The following PNLIPRP3 variants were observed in gnomAD, a reference collection of about 807,000 sequenced individuals.
The protein encoded by PNLIPRP3 is pancreatic lipase related protein 3.
In PNLIPRP3, 58 loss-of-function variants were observed where a neutral mutation model predicts 52.8. The ratio of observed to expected loss-of-function variants is 1.10; its 90% CI spans 0.89 to 1.37. The LOEUF (loss-of-function observed/expected upper bound fraction) is 1.37. PNLIPRP3 is among the 40% of genes most tolerant of loss of function. PNLIPRP3 has a pLI of 0.00. For missense variants in PNLIPRP3, 593 were observed against 561.6 expected (o/e 1.06, Z -0.57); for synonymous variants, 192 against 185.0 (o/e 1.04, Z -0.31).
intron 5 of PNLIPRP3, among the ~76,000 whole-genome samples, chr10:116,456,190 G>A (rs11197684): frequency 6.6e-6 from 1 of 152,250 alleles, no homozygotes; most frequent in East Asian, 1.9e-4. Flanking sequence ...GGCTGGGAAG[G>A]GAAGAAGAGA....
At chr10:116,431,437 C>T (rs1845708939) in intron 1 of PNLIPRP3, among the ~76,000 whole-genome samples, 1 of 151,448 alleles carries the variant, frequency 6.6e-6, no homozygotes, top group South Asian at 2.1e-4. Flanking sequence ...GGGCCAGATG[C>T]ATTACAAATG....
intron 10 of PNLIPRP3, among the ~76,000 whole-genome samples, chr10:116,473,674 A>G (rs929939943): frequency 1.3e-5 from 2 of 151,946 alleles, no homozygotes; most frequent in African/African-American, 4.8e-5. Flanking sequence ...GGTGCCCACC[A>G]CCATGCCTGG....
chr10:116,461,180 T>C lies in PNLIPRP3; in HGVS notation c.698T>C (p.Ile233Thr), dbSNP rs764855654. The C allele has an allele frequency of 8.1e-6, 13 of 1,614,120 alleles. No homozygotes were observed. Among genetic ancestry groups the C allele is most frequent in the South Asian group, 2.2e-5 (2 of 91,092 alleles). The change falls in exon 7 of 12, where the codon ATT becomes ACT. Residue 233 changes from isoleucine to threonine, a missense_variant. By Grantham distance (89) the Ile-to-Thr change is moderately conservative. Transcript: ENST00000369230. Reference protein sequence around the residue: ...RILFELGVGTIDACGHLDFYP... With the variant: ...RILFELGVGTTDACGHLDFYP... ...TTATTTATTTCAGGTGTTGGAACCATTGATGCTTGTGGTCATCTTGACTTT... is the reference window on the plus strand; with the variant it reads ...TTATTTATTTCAGGTGTTGGAACCACTGATGCTTGTGGTCATCTTGACTTT...
At chr10:116,447,041 C>A (rs959445212) in intron 4 of PNLIPRP3, among the ~76,000 whole-genome samples, 4 of 152,168 alleles carry the variant, frequency 2.6e-5, no homozygotes, top group African/African-American at 7.2e-5. Context: ...GTCATTCAAG[C>A]AGTCACTATA....
chr10:116,443,080 C>G lies in PNLIPRP3; in HGVS notation c.230C>G (p.Thr77Ser), dbSNP rs1421081392. The change falls in exon 3 of 12, where the codon ACT becomes AGT. Residue 77 changes from threonine to serine, a missense_variant. Transcript: ENST00000369230. ...YQEISAVNSS[T>S]IQASYFGTDK... is the part of the protein sequence containing the mutation. ...GAGATCAGTGCGGTTAATTCTTCAA[C>G]TATCCAAGCCTCATATTTTGGAACA... The G allele has an allele frequency of 6.2e-7, 1 of 1,600,474 alleles. No individual in the cohort carries two copies. Among genetic ancestry groups the G allele is most frequent in the Non-Finnish European group, 8.5e-7 (1 of 1,171,068 alleles).
chr10:116,444,330 C>A lies in PNLIPRP3; in HGVS notation c.325-52C>A, dbSNP rs1294763843. 3.4e-6 allele frequency: 5 copies of A among 1,458,442 alleles called. No homozygotes were observed. The Admixed American group carries it at 8.8e-5, about 26-fold the overall frequency. The allele number at this position is 1,458,442 out of a possible 1,614,324, so 90.3% of individuals were successfully genotyped here. A position where few individuals can be genotyped will look rare whatever the true frequency, so the allele number is the denominator to read the frequency against. ...TATGGAATCAAGTGTTGAGACACGT[C>A]GGTTTCCTTGAACACTTATTTATTT... On this transcript the variant is annotated intron_variant, in intron 3 of 11. Coordinates refer to ENST00000369230, the MANE Select transcript of PNLIPRP3 (RefSeq NM_001011709.3).
intron 1 of PNLIPRP3, among the ~76,000 whole-genome samples, chr10:116,435,059 G>C (rs893723413): frequency 2.6e-5 from 4 of 152,134 alleles, no homozygotes; most frequent in African/African-American, 9.7e-5. Flanking sequence ...CCTTTGAAGA[G>C]AATGAGTGTC....
At chr10:116,454,493 T>A (rs1846084612) in intron 4 of PNLIPRP3, among the ~76,000 whole-genome samples, 1 of 152,236 alleles carries the variant, frequency 6.6e-6, no homozygotes, top group Non-Finnish European at 1.5e-5. Context: ...GCATTACTAT[T>A]AATGCTAAGC....
intron 4 of PNLIPRP3, among the ~76,000 whole-genome samples, chr10:116,455,114 T>C (rs1379783788): frequency 6.6e-6 from 1 of 152,220 alleles, no homozygotes; most frequent in African/African-American, 2.4e-5. Context: ...GATTTGCATT[T>C]CTCTAATGAT....
chr10:116,457,708 TCA>T (rs1354574949), intron 5 of PNLIPRP3, among the ~76,000 whole-genome samples: 5 of 152,202 alleles, frequency 3.3e-5, no homozygotes, highest in Non-Finnish European at 7.3e-5. Context: ...TCATGGGGCC[TCA>T]CAGCCTCAGG....
In PNLIPRP3 at chr10:116,460,268, T is replaced by C. The variant is rs554880288; in HGVS notation, c.566-698T>C. On this transcript the variant is annotated intron_variant, in intron 5 of 11. Transcript: ENST00000369230. ...ATATCTGAATGCTAAACCTAGTTCC[T>C]GGCACATACTAGGTGCTTGACAAAT... 9.8e-5 allele frequency among the ~76,000 whole-genome samples: 15 copies of C among 152,358 alleles called. No individual in the cohort carries two copies. The East Asian group carries it at 2.9e-3, about 29-fold the overall frequency.
chr10:116,470,009 ATAGT>A (rs1846342083), intron 9 of PNLIPRP3, among the ~76,000 whole-genome samples: 1 of 151,316 alleles, frequency 6.6e-6, no homozygotes, highest in African/African-American at 2.4e-5. Context: ...GGTTGCAAAG[ATAGT>A]TAGAAGGTGG....
rs544939660 is a variant in PNLIPRP3, at chr10:116,442,704, A to C, written c.205-351A>C. ...CATAGTGAGACCCTGTCTCTAAAAA[A>C]ATTGTTTAAAATTAGCCATGTGTGG... On this transcript the variant is annotated intron_variant, in intron 2 of 11. Transcript: ENST00000369230. Among the ~76,000 whole-genome samples the C allele has an allele frequency of 2.0e-5, 3 of 152,170 alleles. No individual in the cohort carries two copies. In the East Asian group the frequency reaches 5.8e-4, roughly 30 times the overall value.
At chr10:116,465,959 A>T in intron 7 of PNLIPRP3, 91 bp from the exon 8 acceptor site, 1 of 915,054 alleles carries the variant, frequency 1.1e-6, no homozygotes, top group Non-Finnish European at 1.8e-6. Context: ...ACTCAAGAAG[A>T]CTGCCACTTA....
Position 116,468,126 on chromosome 10 carries a change from CAAAAAAAAAAAAAAA to C in PNLIPRP3, c.928-1047_928-1033del, listed in dbSNP as rs5788168. 4.3e-4 allele frequency among the ~76,000 whole-genome samples: 17 copies of C among 39,498 alleles called. 1 individual carries two copies. The Admixed American group carries it at 6.2e-3, about 14-fold the overall frequency. The allele number at this position is 39,498 out of a possible 152,430, so 25.9% of individuals were successfully genotyped here. On this transcript the variant is annotated intron_variant, in intron 8 of 11. Coordinates refer to ENST00000369230, the MANE Select transcript of PNLIPRP3 (RefSeq NM_001011709.3). ...GGCAACAGAGCCAGACTCTGTCTCG[CAAAAAAAAAAAAAAA>C]AAAAAAAAAAAGCAACGTCTACCAA... is the stretch of plus-strand genomic sequence containing the variant.
intron 5 of PNLIPRP3, among the ~76,000 whole-genome samples, chr10:116,460,412 G>A (rs1201232928): frequency 6.6e-6 from 1 of 152,160 alleles, no homozygotes; most frequent in Non-Finnish European, 1.5e-5. Flanking sequence ...TGAGAGTCTG[G>A]ACACCTGGCC....
At chr10:116,462,322 A>T (rs1427017058) in intron 7 of PNLIPRP3, among the ~76,000 whole-genome samples, 5 of 146,812 alleles carry the variant, frequency 3.4e-5, no homozygotes, top group Non-Finnish European at 7.5e-5. Flanking sequence ...TAATAATAAT[A>T]ATATATATAT....
At chr10:116,473,741 G>A (rs905766572) in intron 10 of PNLIPRP3, among the ~76,000 whole-genome samples, 11 of 151,804 alleles carry the variant, frequency 7.2e-5, no homozygotes, top group Non-Finnish European at 1.2e-4. Context: ...GGCTGATCTC[G>A]AACTCCTAGC....
intron 4 of PNLIPRP3, among the ~76,000 whole-genome samples, chr10:116,449,171 C>T (rs1846000113): frequency 6.6e-6 from 1 of 152,290 alleles, no homozygotes; most frequent in East Asian, 1.9e-4. Flanking sequence ...TGCACTCCAG[C>T]CTGACTGGCA....
Sources: gnomAD v4.1 joint callset for allele counts (sites outside exome capture counted in the v4.1 genomes callset) on GRCh38, gnomAD v4.1.1 for gene constraint, MANE v1.5 for transcripts, NCBI Gene and HGNC (gene_info 2026-07-23, HGNC 2026-07-21) for gene names.